The following ZBTB25 variants were observed in gnomAD, a reference collection of about 807,000 sequenced individuals.
The protein encoded by ZBTB25 is zinc finger and BTB domain containing 25, also known as zinc finger and BTB domain-containing protein 25.
Under a neutral mutation model 34.2 loss-of-function variants are expected in ZBTB25, and 20 were observed. The observed-to-expected ratio is 0.58, with a 90% CI of 0.41 to 0.85. The LOEUF (loss-of-function observed/expected upper bound fraction) is 0.85. Ranked by LOEUF, ZBTB25 falls within the 40% of genes least tolerant of loss-of-function variation. The pLI, the probability that ZBTB25 is intolerant of heterozygous loss-of-function variation, is 0.00. For missense variants in ZBTB25, 437 were observed against 521.8 expected (o/e 0.84, Z 1.58); for synonymous variants, 175 against 186.4 (o/e 0.94, Z 0.50).
chr14:64,491,129 G>A (rs953042805), intron 1 of ZBTB25, among the ~76,000 whole-genome samples: 55 of 152,216 alleles, frequency 3.6e-4, no homozygotes, highest in African/African-American at 1.3e-3. Flanking sequence ...TAAAATAGAT[G>A]TCAAGCCACA....
At chr14:64,493,140 A>G (rs531836070) in intron 1 of ZBTB25, among the ~76,000 whole-genome samples, 1 of 152,356 alleles carries the variant, frequency 6.6e-6, no homozygotes, top group East Asian at 1.9e-4. Context: ...CAAAAAGCAT[A>G]CAGAATATAA....
chr14:64,468,323 A>T, intron 2 of ZBTB25: 1 of 1,406,156 alleles, frequency 7.1e-7, no homozygotes, highest in Non-Finnish European at 9.5e-7. Context: ...ATTTTTGCTC[A>T]TCTTTTTGTC....
At chr14:64,466,995 A>C (rs1262945441) in intron 2 of ZBTB25, 1 of 152,238 alleles carries the variant, frequency 6.6e-6, no homozygotes, top group East Asian at 1.9e-4. Context: ...AAAATAAAAT[A>C]TAAAGAATTT....
At chr14:64,454,694 G>T (rs1180324245) in intron 2 of ZBTB25, 3 of 1,598,596 alleles carry the variant, frequency 1.9e-6, no homozygotes, top group Non-Finnish European at 2.6e-6. Flanking sequence ...CTTTTCATTT[G>T]TCCTCCCTCT....
Position 64,486,358 on chromosome 14 carries a change from G to C in ZBTB25, c.*565C>G, listed in dbSNP as rs1215114648. ...AAGTAAAGAGAAGCCATGTAGGTAA[G>C]ATGTTGTGGAGCTAGTAGTTAAAAA... On this transcript the variant is annotated 3_prime_UTR_variant, in exon 3 of 3. Coordinates refer to ENST00000608382, the MANE Select transcript of ZBTB25 (RefSeq NM_006977.5). 2.0e-6 allele frequency: 2 copies of C among 985,160 alleles called. No individual in the cohort carries two copies. The highest frequency in any genetic ancestry group is 1.2e-6 in the Non-Finnish European group (1 of 829,880). 61.0% of individuals were successfully genotyped at this position (985,160 alleles called of 1,614,324 possible). A position where few individuals can be genotyped will look rare whatever the true frequency, so the allele number is the denominator to read the frequency against.
chr14:64,504,278 T>TGGGCGACCCTGAACCGACGGGGCA (rs2079597984), upstream of ZBTB25, among the ~76,000 whole-genome samples: 3 of 151,424 alleles, frequency 2.0e-5, no homozygotes, highest in Admixed American at 2.0e-4. Context: ...GCGCGGGGAC[T>TGGGCGACCCTGAACCGACGGGGCA]GGGCGACCCT....
rs1280749735 is a variant in ZBTB25, at chr14:64,483,295, T to G, written c.*3628A>C. ...TTAGCTGGAAGAACTTTTTTTTTTT[T>G]GAGATGGAGTCTCGCTCTGTCACCC... On this transcript the variant is annotated 3_prime_UTR_variant, in exon 3 of 3. Transcript: ENST00000608382. 2 of 152,236 alleles carry G rather than the reference T, an allele frequency of 1.3e-5. No individual in the cohort carries two copies. Among genetic ancestry groups the G allele is most frequent in the Non-Finnish European group, 2.9e-5 (2 of 68,134 alleles). 9.4% of individuals were successfully genotyped at this position (152,236 alleles called of 1,614,324 possible). A position where few individuals can be genotyped will look rare whatever the true frequency, so the allele number is the denominator to read the frequency against.
chr14:64,473,540 T>C (rs1265790778), downstream of ZBTB25: 1 of 167,100 alleles, frequency 6.0e-6, no homozygotes, highest in East Asian at 1.9e-4. Context: ...CAGCATTAAC[T>C]TCATCCATAC....
At chr14:64,474,005 GT>G (rs2078698761), downstream of ZBTB25, 1 of 166,978 alleles carries the variant, frequency 6.0e-6, no homozygotes. Context: ...TTCAACACAC[GT>G]ATTAGGCATA....
Position 64,485,610 on chromosome 14 carries a change from T to C in ZBTB25, c.*1313A>G. 1.0e-6 allele frequency: 1 copy of C among 985,360 alleles called. No individual in the cohort carries two copies. The highest frequency in any genetic ancestry group is 4.7e-5 in the South Asian group (1 of 21,286). The allele number at this position is 985,360 out of a possible 1,614,324, so 61.0% of individuals were successfully genotyped here. A position where few individuals can be genotyped will look rare whatever the true frequency, so the allele number is the denominator to read the frequency against. On this transcript the variant is annotated 3_prime_UTR_variant, in exon 3 of 3. Coordinates refer to ENST00000608382, the MANE Select transcript of ZBTB25 (RefSeq NM_006977.5). The stretch of plus-strand genomic sequence containing the variant: ...GAGGAAAAGCTAACATCATGGATCT[T>C]AAATGTAGTTATAGAACACTGAATG...
chr14:64,463,031 A>G (rs1242436025), intron 2 of ZBTB25: 1 of 152,210 alleles, frequency 6.6e-6, no homozygotes, highest in East Asian at 1.9e-4. Context: ...TGATATTAAC[A>G]TGATAAGCTA....
intron 2 of ZBTB25, chr14:64,453,792 G>T (rs567446840): frequency 1.2e-6 from 2 of 1,613,018 alleles, no homozygotes; most frequent in Admixed American, 3.3e-5. Context: ...TTGCACAGAA[G>T]ATCTATGGAG....
chr14:64,453,761 T>G (rs1192746425), intron 2 of ZBTB25: 2 of 1,603,804 alleles, frequency 1.2e-6, no homozygotes, highest in Non-Finnish European at 1.7e-6. Context: ...TAGCTCCCAG[T>G]TGAGGATAAA....
chr14:64,486,361 G>A lies in ZBTB25; in HGVS notation c.*562C>T, dbSNP rs1296843353. ...TAAAGAGAAGCCATGTAGGTAAGAT[G>A]TTGTGGAGCTAGTAGTTAAAAAATA... On this transcript the variant is annotated 3_prime_UTR_variant, in exon 3 of 3. Coordinates refer to ENST00000608382, the MANE Select transcript of ZBTB25 (RefSeq NM_006977.5). 1 of 985,142 alleles carries A rather than the reference G, an allele frequency of 1.0e-6. No individual in the cohort carries two copies. Among genetic ancestry groups the A allele is most frequent in the African/African-American group, 1.7e-5 (1 of 57,200 alleles). 61.0% of individuals were successfully genotyped at this position (985,142 alleles called of 1,614,324 possible).
chr14:64,501,290 C>T (rs2079488945), intron 1 of ZBTB25, among the ~76,000 whole-genome samples: 1 of 152,232 alleles, frequency 6.6e-6, no homozygotes, highest in East Asian at 1.9e-4. Context: ...CTCTTAAAAT[C>T]GTCACTGTGA....
chr14:64,490,437 C>A lies in ZBTB25; in HGVS notation c.97G>T (p.Val33Phe). 6.2e-7 allele frequency: 1 copy of A among 1,613,762 alleles called. No homozygotes were observed. The highest frequency in any genetic ancestry group is 1.6e-4 in the Middle Eastern group (1 of 6,062). ...ACTGCTCTGTGGGCTTTGAAGTAAA[C>A]ATCTCCAATTGCAACTGTGCAATCA... The part of the protein sequence containing the change: ...LCDCTVAIGD[V>F]YFKAHRAVLA... The change falls in exon 2 of 3, where the codon GTT becomes TTT. Residue 33 changes from valine (V) to phenylalanine (F), a missense_variant. By Grantham distance (50) the Val-to-Phe change is conservative. Coordinates refer to ENST00000608382, the MANE Select transcript of ZBTB25 (RefSeq NM_006977.5).
intron 2 of ZBTB25, chr14:64,468,465 G>A (rs765436650): frequency 1.9e-6 from 3 of 1,613,920 alleles, no homozygotes; most frequent in Non-Finnish European, 2.5e-6. Flanking sequence ...GGTAGTCCTG[G>A]GGCTGAAAGG....
chr14:64,474,641 TACA>T (rs2078703635), downstream of ZBTB25: 1 of 158,594 alleles, frequency 6.3e-6, no homozygotes, highest in African/African-American at 2.4e-5. Context: ...ACAGAGATTT[TACA>T]ACAACACTCC....
At chr14:64,456,186 G>A (rs1044027095) in intron 2 of ZBTB25, among the ~76,000 whole-genome samples, 1 of 150,688 alleles carries the variant, frequency 6.6e-6, no homozygotes, top group African/African-American at 2.4e-5. Flanking sequence ...CAGGCTGTAA[G>A]GTGGAGAGAG....
Sources: allele counts gnomAD v4.1 joint callset (sites outside exome capture counted in the v4.1 genomes callset), GRCh38; gene constraint gnomAD v4.1.1; transcripts MANE v1.5; gene names NCBI Gene and HGNC (gene_info 2026-07-23, HGNC 2026-07-21).